Variants in PTPRD observed in about 807,000 individuals in gnomAD.
PTPRD encodes the protein receptor-type tyrosine-protein phosphatase delta.
A neutral mutation model predicts 214.5 loss-of-function variants in PTPRD; 34 were observed. The observed-to-expected ratio is 0.16, with a 90% confidence interval of 0.12 to 0.21. PTPRD has a LOEUF of 0.21. Ranked by LOEUF, PTPRD falls within the 10% of genes least tolerant of loss-of-function variation. The probability of loss-of-function intolerance (pLI) is 1.00; values close to 1 mark genes in which losing one functional copy is unlikely to be tolerated. For synonymous variants in PTPRD, 1,128 were observed against 845.7 expected (o/e 1.33, Z -5.79); for missense variants, 2,545 against 2,398.7 (o/e 1.06, Z -1.27).
rs556892802 is a variant in PTPRD at position 9,594,088 on chromosome 9, T to C, written c.-286-19307A>G. On this transcript the variant is annotated intron_variant, in intron 7 of 45. Transcript: ENST00000381196. The stretch of plus-strand genomic sequence containing the variant: ...TAGTATTCCTGTTGCATTGAAAATA[T>C]CAGTTCAGTATGAATCATTTTAGAA... Among the ~76,000 whole-genome samples the C allele has an allele frequency of 1.6e-3, 244 of 152,160 alleles. 1 individual carries two copies. Among genetic ancestry groups the C allele is most frequent in the Non-Finnish European group, 2.8e-3 (192 of 67,966 alleles).
chr9:8,450,274 C>G lies in PTPRD; in HGVS notation c.3876-437G>C, dbSNP rs769464350. Among the ~76,000 whole-genome samples the G allele has an allele frequency of 3.3e-5, 5 of 152,116 alleles. No homozygotes were observed. In the East Asian group the frequency reaches 7.7e-4, roughly 23 times the overall value. On this transcript the variant is annotated intron_variant, in intron 33 of 45. Coordinates refer to ENST00000381196, the MANE Select transcript of PTPRD (RefSeq NM_002839.4). ...AAGCTGAACAGCTAAATCTGTCCCC[C>G]TTAGCCCTAAGTATATATAAGTGGT...
At chr9:9,320,699 T>G (rs992920550) in intron 9 of PTPRD, among the ~76,000 whole-genome samples, 2 of 152,170 alleles carry the variant, frequency 1.3e-5, no homozygotes, top group African/African-American at 4.8e-5. Flanking sequence ...TAAACTCCTC[T>G]TAGTTTATTA....
At chr9:9,651,843 T>TTG (rs1172907388) in intron 7 of PTPRD, among the ~76,000 whole-genome samples, 36 of 137,070 alleles carry the variant, frequency 2.6e-4, no homozygotes, top group African/African-American at 9.9e-4. Context: ...TTTTTTTTTT[T>TTG]TTTTTTTTTT....
rs187433002 is a variant in PTPRD at position 9,357,434 on chromosome 9, G to C, written c.-203+40015C>G. Among the ~76,000 whole-genome samples, 282 of 151,372 alleles carry C rather than the reference G, an allele frequency of 1.9e-3. 3 individuals are homozygous for C. The highest frequency in any genetic ancestry group is 3.1e-3 in the Non-Finnish European group (212 of 67,526). On this transcript the variant is annotated intron_variant, in intron 9 of 45. Transcript: ENST00000381196. The stretch of plus-strand genomic sequence containing the variant: ...CTTTTGTCACATGGAGGATGATCTT[G>C]TATGTAATCATTAGGTCTGAAATGA...
At chr9:8,723,888 G>T (rs760683968) in intron 12 of PTPRD, among the ~76,000 whole-genome samples, 1 of 152,084 alleles carries the variant, frequency 6.6e-6, no homozygotes, top group African/African-American at 2.4e-5. Flanking sequence ...TTAAACTGAC[G>T]ATTTAAGTAC....
chr9:9,279,431 G>C (rs1414503770), intron 9 of PTPRD, among the ~76,000 whole-genome samples: 1 of 149,442 alleles, frequency 6.7e-6, no homozygotes, highest in African/African-American at 2.4e-5. Flanking sequence ...CTACTGGTAT[G>C]ATGCTAGAAG....
rs138698385 is a variant in PTPRD at position 8,776,018 on chromosome 9, T to G, written c.-103-42072A>C. On this transcript the variant is annotated intron_variant, in intron 11 of 45. Coordinates refer to ENST00000381196, the MANE Select transcript of PTPRD (RefSeq NM_002839.4). ...ATGCTTCGAAACTATGAGTTAAAAT[T>G]AAAAAGAAATGAAGATTTGGTTTGG... Among the ~76,000 whole-genome samples the G allele has an allele frequency of 3.9e-5, 6 of 152,272 alleles. No individual in the cohort carries two copies. In the East Asian group the frequency reaches 9.7e-4, roughly 25 times the overall value.
chr9:9,844,652 T>G (rs1265709998), intron 5 of PTPRD, among the ~76,000 whole-genome samples: 2 of 151,790 alleles, frequency 1.3e-5, no homozygotes, highest in African/African-American at 4.8e-5. Flanking sequence ...TTACACCAAT[T>G]AACAGTTATT....
intron 11 of PTPRD, among the ~76,000 whole-genome samples, chr9:8,895,963 G>T (rs2098606604): frequency 6.6e-6 from 1 of 152,194 alleles, no homozygotes; most frequent in Non-Finnish European, 1.5e-5. Flanking sequence ...CCTGTAGTTT[G>T]CTCTTGTAAA....
intron 15 of PTPRD, 180 bp downstream of exon 15, chr9:8,528,411 G>A (rs1012668167): frequency 1.5e-6 from 1 of 660,648 alleles, no homozygotes; most frequent in African/African-American, 1.8e-5. Flanking sequence ...GAGAAAGACA[G>A]ACTCTGAAAC....
intron 2 of PTPRD, among the ~76,000 whole-genome samples, chr9:10,416,356 C>G (rs1565896414): frequency 6.8e-6 from 1 of 146,858 alleles, no homozygotes; most frequent in East Asian, 2.0e-4. Flanking sequence ...ATGACTCCTT[C>G]TCAAAAAAGC....
intron 8 of PTPRD, among the ~76,000 whole-genome samples, chr9:9,446,818 T>C (rs2090567257): frequency 6.6e-6 from 1 of 151,628 alleles, no homozygotes; most frequent in Non-Finnish European, 1.5e-5. Flanking sequence ...ACATTTACAA[T>C]AAAAAGGAAA....
intron 8 of PTPRD, among the ~76,000 whole-genome samples, chr9:9,482,596 C>T (rs1372981469): frequency 1.3e-5 from 2 of 152,176 alleles, no homozygotes; most frequent in South Asian, 4.1e-4. Flanking sequence ...ACCAGCACTA[C>T]AGATAGAATC....
At chr9:9,293,532 G>A (rs1157864117) in intron 9 of PTPRD, among the ~76,000 whole-genome samples, 1 of 151,334 alleles carries the variant, frequency 6.6e-6, no homozygotes, top group East Asian at 2.0e-4. Flanking sequence ...ACTGACTAAT[G>A]CTATTAGAAA....
At chr9:8,479,140 A>C (rs767674) in intron 30 of PTPRD, among the ~76,000 whole-genome samples, 1 of 151,994 alleles carries the variant, frequency 6.6e-6, no homozygotes, top group Non-Finnish European at 1.5e-5. Context: ...GTGACACAGC[A>C]TGGCACGGAG....
chr9:9,401,649 T>C (rs1008637086), intron 8 of PTPRD, among the ~76,000 whole-genome samples: 2 of 151,912 alleles, frequency 1.3e-5, no homozygotes, highest in Non-Finnish European at 2.9e-5. Context: ...CCTCCAGTCA[T>C]TGATACGGTT....
intron 5 of PTPRD, among the ~76,000 whole-genome samples, chr9:9,777,831 T>C (rs549163242): frequency 6.6e-6 from 1 of 152,346 alleles, no homozygotes; most frequent in South Asian, 2.1e-4. Context: ...TGTAAATTTC[T>C]ATAAAGAGAA....
intron 7 of PTPRD, among the ~76,000 whole-genome samples, chr9:9,691,462 A>G (rs1181992514): frequency 6.6e-6 from 1 of 152,014 alleles, no homozygotes; most frequent in African/African-American, 2.4e-5. Context: ...CAAATGACAG[A>G]ATCTCATTCT....
chr9:8,883,654 G>GT (rs1244176039), intron 11 of PTPRD, among the ~76,000 whole-genome samples: 1 of 152,232 alleles, frequency 6.6e-6, no homozygotes, highest in Non-Finnish European at 1.5e-5. Flanking sequence ...GAGGTCAGGA[G>GT]TGTAAGCTTT....
Sources: allele counts gnomAD v4.1 joint callset (sites outside exome capture counted in the v4.1 genomes callset), GRCh38; gene constraint gnomAD v4.1.1; transcripts MANE v1.5; gene names NCBI Gene and HGNC (gene_info 2026-07-23, HGNC 2026-07-21).